Variants in AZIN2 observed in about 807,000 individuals in gnomAD.
AZIN2 encodes the protein antizyme inhibitor 2, also known as ODC antizyme inhibitor-2.
Under a neutral mutation model 47.8 loss-of-function variants are expected in AZIN2, and 28 were observed. The observed-to-expected ratio is 0.59, with a 90% CI of 0.43 to 0.80. The LOEUF (loss-of-function observed/expected upper bound fraction) is 0.80, where lower values mean the gene tolerates loss of function less well. Ranked by LOEUF, AZIN2 falls within the 30% of genes least tolerant of loss-of-function variation. The pLI is 0.00. For synonymous variants in AZIN2, 221 were observed against 239.4 expected (o/e 0.92, Z 0.71); for missense variants, 535 against 582.5 (o/e 0.92, Z 0.84).
the AZIN2 span, among the ~76,000 whole-genome samples, chr1:33,148,913 A>C: frequency 4.6e-5 from 7 of 152,172 alleles, no homozygotes; most frequent in Non-Finnish European, 8.8e-5. Flanking sequence ...CAGAGCCAGG[A>C]CTAACCAAGG....
In AZIN2 at chr1:33,092,645, A is replaced by T. The variant is rs78411701; in HGVS notation, c.452+423A>T. Among the ~76,000 whole-genome samples the T allele has an allele frequency of 4.4e-3, 671 of 152,172 alleles. 4 individuals are homozygous for T. Among genetic ancestry groups the T allele is most frequent in the African/African-American group, 0.015 (630 of 41,492 alleles). On this transcript the variant is annotated intron_variant, in intron 6 of 11. Transcript: ENST00000294517. ...AATTTGGAGGGGGCATAAATAGTGA[A>T]CTGCGTAAGCAAATGCATTGAGGTT...
chr1:33,122,647 G>A lies in AZIN2; in HGVS notation c.*2465G>A, dbSNP rs1644816451. Among the ~76,000 whole-genome samples, 1 of 152,118 alleles carries A rather than the reference G, an allele frequency of 6.6e-6. No individual in the cohort carries two copies. Among genetic ancestry groups the A allele is most frequent in the African/African-American group, 2.4e-5 (1 of 41,428 alleles). On this transcript the variant is annotated 3_prime_UTR_variant, in exon 12 of 12. Coordinates refer to ENST00000294517, the MANE Select transcript of AZIN2 (RefSeq NM_052998.4). ...CAAGCTCCCTGCTGAGCGACCCACT[G>A]GCAGTGGCTCCTCATGCCTCCTGGC...
rs757547727 is a variant in AZIN2, at chr1:33,094,653, C to T, written c.693C>T (p.His231=). Residue 231 remains histidine, a synonymous_variant, in exon 8 of 12, where the codon CAC becomes CAT. Coordinates refer to ENST00000294517, the MANE Select transcript of AZIN2 (RefSeq NM_052998.4). ...GCACCGAGCTGGGTCACAAGATGCACGTTCTGGACCTTGGTGGTGGCTTCC... is the reference window on the plus strand; with the variant it reads ...GCACCGAGCTGGGTCACAAGATGCATGTTCTGGACCTTGGTGGTGGCTTCC... ...EMGTELGHKM[H]VLDLGGGFPG... 1.1e-5 allele frequency: 17 copies of T among 1,614,032 alleles called. No homozygotes were observed. The highest frequency in any genetic ancestry group is 5.5e-5 in the South Asian group (5 of 91,086).
At chr1:33,094,272 A>C (rs1380113194) in intron 7 of AZIN2, among the ~76,000 whole-genome samples, 1 of 152,222 alleles carries the variant, frequency 6.6e-6, no homozygotes, top group Non-Finnish European at 1.5e-5. Flanking sequence ...TGGGAGGCAC[A>C]GCCAGATCTG....
intron 10 of AZIN2, among the ~76,000 whole-genome samples, chr1:33,108,335 A>G (rs1033883937): frequency 2.0e-5 from 3 of 147,952 alleles, no homozygotes; most frequent in Non-Finnish European, 4.4e-5. Context: ...AAAGACTTTC[A>G]GATTGACTTT....
At chr1:33,156,500 T>TA in the AZIN2 span, among the ~76,000 whole-genome samples, 16 of 152,202 alleles carry the variant, frequency 1.1e-4, no homozygotes, top group Non-Finnish European at 1.2e-4. Flanking sequence ...TTCCAGGACA[T>TA]ACCTGGGTTG....
At chr1:33,099,527 C>T (rs1376367430) in intron 10 of AZIN2, among the ~76,000 whole-genome samples, 1 of 152,346 alleles carries the variant, frequency 6.6e-6, no homozygotes, top group East Asian at 1.9e-4. Flanking sequence ...GTTACTCTGC[C>T]TCTCCAGTAC....
At chr1:33,089,229 G>C (rs1642261190) in intron 5 of AZIN2, among the ~76,000 whole-genome samples, 1 of 152,146 alleles carries the variant, frequency 6.6e-6, no homozygotes, top group African/African-American at 2.4e-5. Flanking sequence ...AAGGTTAAAT[G>C]AGAATGTATA....
the AZIN2 span, among the ~76,000 whole-genome samples, chr1:33,141,071 A>T: frequency 6.6e-6 from 1 of 152,008 alleles, no homozygotes; most frequent in Admixed American, 6.6e-5. Context: ...GGCAGGGCTG[A>T]GATCAGGGGT....
intron 11 of AZIN2, chr1:33,118,523 A>G (rs1644670160): frequency 5.9e-6 from 1 of 168,774 alleles, no homozygotes; most frequent in South Asian, 1.7e-4. Flanking sequence ...AGAGGGAGGC[A>G]GGGCTAGATC....
chr1:33,137,361 T>C, the AZIN2 span, among the ~76,000 whole-genome samples: 1 of 152,142 alleles, frequency 6.6e-6, no homozygotes, highest in Non-Finnish European at 1.5e-5. Flanking sequence ...CTTATGCTTG[T>C]TGTGAGGATT....
chr1:33,094,753 C>A lies in AZIN2; in HGVS notation c.753+40C>A, dbSNP rs372823554. On this transcript the variant is annotated intron_variant, in intron 8 of 11. Coordinates refer to ENST00000294517, the MANE Select transcript of AZIN2 (RefSeq NM_052998.4). ...GGGAGTGTCATGCTGGGCTCTATGG[C>A]GGGGAGGATAGGGAGGGATTAGATG... 4 of 1,606,050 alleles carry A rather than the reference C, an allele frequency of 2.5e-6. No individual in the cohort carries two copies. In the African/African-American group the frequency reaches 4.0e-5, roughly 16 times the overall value.
At chr1:33,106,851 G>A (rs143000505) in intron 10 of AZIN2, among the ~76,000 whole-genome samples, 1 of 152,126 alleles carries the variant, frequency 6.6e-6, no homozygotes, top group African/African-American at 2.4e-5. Flanking sequence ...AGACTAAGAT[G>A]CTCACTCTCA....
At position 33,121,846 on chromosome 1, in the gene AZIN2, G is replaced by C. The variant is rs1421839324; in HGVS notation, c.*1664G>C. Among the ~76,000 whole-genome samples the C allele has an allele frequency of 2.0e-5, 3 of 152,208 alleles. No homozygotes were observed. Among genetic ancestry groups the C allele is most frequent in the African/African-American group, 4.8e-5 (2 of 41,454 alleles). On this transcript the variant is annotated 3_prime_UTR_variant, in exon 12 of 12. Coordinates refer to ENST00000294517, the MANE Select transcript of AZIN2 (RefSeq NM_052998.4). Reference sequence around the variant, plus strand: ...CTGCTTCAGTATCTCAGCCAGTCCTGGTGGGAACTGTACGTGGCTTTGAGG... The same window carrying C: ...CTGCTTCAGTATCTCAGCCAGTCCTCGTGGGAACTGTACGTGGCTTTGAGG...
At chr1:33,130,254 C>G in the AZIN2 span, among the ~76,000 whole-genome samples, 1 of 152,208 alleles carries the variant, frequency 6.6e-6, no homozygotes, top group Non-Finnish European at 1.5e-5. Context: ...TCCCAGTATT[C>G]ACACCCTGGT....
At chr1:33,114,175 G>GC (rs1644411260) in intron 10 of AZIN2, among the ~76,000 whole-genome samples, 1 of 151,164 alleles carries the variant, frequency 6.6e-6, no homozygotes, top group African/African-American at 2.4e-5. Flanking sequence ...AGGCTGGAGT[G>GC]CAGTGGTGCG....
At chr1:33,165,395 T>C in the AZIN2 span, 1 of 1,371,366 alleles carries the variant, frequency 7.3e-7, no homozygotes, top group African/African-American at 1.4e-5. This position sits in a 1 kb window ranked among gnomAD's most constrained non-coding sequence, Gnocchi z 4.0. Context: ...CCGCCCCTCT[T>C]CCCCAGCTGG....
the AZIN2 span, chr1:33,147,243 G>A: frequency 5.6e-6 from 9 of 1,614,076 alleles, no homozygotes; most frequent in Non-Finnish European, 7.6e-6. This position sits in a 1 kb window ranked among gnomAD's most constrained non-coding sequence, Gnocchi z 8.1. Context: ...TCTGGCCAGG[G>A]CTGAAGTAAG....
At chr1:33,138,349 C>T in the AZIN2 span, among the ~76,000 whole-genome samples, 3 of 152,022 alleles carry the variant, frequency 2.0e-5, no homozygotes, top group Non-Finnish European at 4.4e-5. Context: ...GTTTGATTTA[C>T]GTAGAATAGA....
Sources: allele counts gnomAD v4.1 joint callset (sites outside exome capture counted in the v4.1 genomes callset), GRCh38; gene constraint gnomAD v4.1.1; non-coding constraint Gnocchi (gnomAD v3.1); transcripts MANE v1.5; gene names NCBI Gene and HGNC (gene_info 2026-07-23, HGNC 2026-07-21).